Variants in CEP112 observed in about 807,000 individuals in gnomAD.
The protein encoded by CEP112 is centrosomal protein 112.
Under a neutral mutation model 153.0 loss-of-function variants are expected in CEP112, and 127 were observed. The observed-to-expected ratio is 0.83, with a 90% CI of 0.72 to 0.96. The LOEUF (loss-of-function observed/expected upper bound fraction) is 0.96, where lower values mean the gene tolerates loss of function less well. CEP112 is among the 40% of genes least tolerant of loss of function. The pLI is 0.00. For synonymous variants in CEP112, 358 were observed against 374.4 expected (o/e 0.96, Z 0.51); for missense variants, 1,089 against 1,101.2 (o/e 0.99, Z 0.16).
intron 24 of CEP112, among the ~76,000 whole-genome samples, chr17:65,686,558 C>T (rs1306551214): frequency 1.3e-5 from 2 of 152,218 alleles, no homozygotes. Flanking sequence ...CTTTAAGAAG[C>T]TTGTCTCTTC....
intron 23 of CEP112, among the ~76,000 whole-genome samples, chr17:65,715,599 C>T (rs1425319560): frequency 6.6e-6 from 1 of 151,980 alleles, no homozygotes; most frequent in South Asian, 2.1e-4. Context: ...TACAGGCTCC[C>T]GCCACCACGC....
At chr17:65,823,243 A>T (rs62065083) in intron 21 of CEP112, among the ~76,000 whole-genome samples, 2,003 of 152,248 alleles carry the variant, frequency 0.013, 19 homozygotes, top group African/African-American at 0.023. Context: ...CTTGAAAAAG[A>T]TCAGTGTTGG....
At chr17:65,692,464 T>G (rs1230932286) in intron 23 of CEP112, among the ~76,000 whole-genome samples, 2 of 152,114 alleles carry the variant, frequency 1.3e-5, no homozygotes, top group Non-Finnish European at 2.9e-5. Context: ...CCTGTCCTTG[T>G]GATCCACCCA....
At chr17:65,661,892 T>A (rs1319776179) in intron 24 of CEP112, 1 of 151,954 alleles carries the variant, frequency 6.6e-6, no homozygotes, top group African/African-American at 2.4e-5. Flanking sequence ...GACATCTATA[T>A]TTTTTTTACA....
chr17:65,878,273 G>A lies in CEP112; in HGVS notation c.2163+23879C>T, dbSNP rs577900897. On this transcript the variant is annotated intron_variant, in intron 20 of 26. Transcript: ENST00000535342. Reference sequence around the variant, plus strand: ...GGATGTGTCAATTAGCTTGATTGTGGTGATTATTCCACAATGTATATGTAT... The same window carrying A: ...GGATGTGTCAATTAGCTTGATTGTGATGATTATTCCACAATGTATATGTAT... 2.0e-5 allele frequency among the ~76,000 whole-genome samples: 3 copies of A among 152,250 alleles called. No homozygotes were observed. The South Asian group carries it at 6.2e-4, about 32-fold the overall frequency.
At chr17:66,115,262 T>C (rs2146407021) in intron 6 of CEP112, among the ~76,000 whole-genome samples, 1 of 152,342 alleles carries the variant, frequency 6.6e-6, no homozygotes, top group South Asian at 2.1e-4. Context: ...TAATGGGCTC[T>C]AGCACACAGT....
intron 21 of CEP112, among the ~76,000 whole-genome samples, chr17:65,764,506 C>G (rs1169438155): frequency 6.6e-6 from 1 of 151,952 alleles, no homozygotes; most frequent in African/African-American, 2.4e-5. Context: ...TGAATGTCCT[C>G]TTTATCATTA....
intron 4 of CEP112, among the ~76,000 whole-genome samples, chr17:66,138,828 CTTA>C (rs1304757878): frequency 2.0e-5 from 3 of 152,004 alleles, no homozygotes; most frequent in Non-Finnish European, 4.4e-5. Context: ...AACAAAATGA[CTTA>C]TTAAGTCCAC....
At chr17:66,141,054 T>C (rs1204718017) in intron 4 of CEP112, among the ~76,000 whole-genome samples, 1 of 152,138 alleles carries the variant, frequency 6.6e-6, no homozygotes, top group East Asian at 1.9e-4. Flanking sequence ...GGAATTCATA[T>C]TATCTCTGTA....
chr17:65,924,320 G>A (rs1568235743), intron 19 of CEP112, among the ~76,000 whole-genome samples: 1 of 151,968 alleles, frequency 6.6e-6, no homozygotes, highest in Non-Finnish European at 1.5e-5. Flanking sequence ...ACTTTTTTCA[G>A]TATTACAAAT....
At chr17:65,786,478 T>C (rs1001992938) in intron 21 of CEP112, among the ~76,000 whole-genome samples, 5 of 152,118 alleles carry the variant, frequency 3.3e-5, no homozygotes, top group Non-Finnish European at 7.4e-5. Flanking sequence ...ATTTTTCATT[T>C]CCTTGGTTAC....
intron 16 of CEP112, among the ~76,000 whole-genome samples, chr17:66,023,533 C>G (rs1485914235): frequency 3.9e-5 from 6 of 152,074 alleles, no homozygotes; most frequent in Non-Finnish European, 8.8e-5. Context: ...GGGAATTTGT[C>G]ACTATTAGGC....
chr17:66,175,235 A>G lies in CEP112; in HGVS notation c.298-19T>C. The G allele has an allele frequency of 6.6e-7, 1 of 1,505,662 alleles. No homozygotes were observed. The highest frequency in any genetic ancestry group is 8.9e-7 in the Non-Finnish European group (1 of 1,127,226). The allele number at this position is 1,505,662 out of a possible 1,614,324, so 93.3% of individuals were successfully genotyped here. ...AGATGGACTGATTTTTTAAAATTAG[A>G]AAAATTATTCTTTCAAAATGTACTA... On this transcript the variant is annotated intron_variant, in intron 3 of 26. Coordinates refer to ENST00000535342, the MANE Select transcript of CEP112 (RefSeq NM_001199165.4).
chr17:65,658,662 A>T (rs2046185311), intron 24 of CEP112, among the ~76,000 whole-genome samples: 1 of 152,098 alleles, frequency 6.6e-6, no homozygotes, highest in Non-Finnish European at 1.5e-5. Flanking sequence ...GAGGCCCAAG[A>T]ATCACAGGCC....
chr17:66,090,515 G>A (rs1316489376), intron 8 of CEP112, among the ~76,000 whole-genome samples: 1 of 151,888 alleles, frequency 6.6e-6, no homozygotes, highest in African/African-American at 2.4e-5. Flanking sequence ...TGTAAGCCTC[G>A]TAGTAATCAC....
At chr17:65,827,315 T>C (rs2056881229) in intron 21 of CEP112, among the ~76,000 whole-genome samples, 2 of 152,204 alleles carry the variant, frequency 1.3e-5, no homozygotes, top group African/African-American at 4.8e-5. Context: ...ACATCTATCC[T>C]ATTAGTTCTG....
At chr17:66,065,937 A>G (rs553048002) in intron 10 of CEP112, among the ~76,000 whole-genome samples, 93 of 152,144 alleles carry the variant, frequency 6.1e-4, no homozygotes, top group Non-Finnish European at 8.8e-5. Flanking sequence ...CCTAAAATCT[A>G]TCTCTTAATG....
At chr17:65,678,750 C>T (rs1340530212) in intron 24 of CEP112, among the ~76,000 whole-genome samples, 1 of 152,206 alleles carries the variant, frequency 6.6e-6, no homozygotes, top group Non-Finnish European at 1.5e-5. Context: ...TGCAGTGATG[C>T]AGTCGGTGCT....
intron 2 of CEP112, among the ~76,000 whole-genome samples, chr17:66,179,559 ATTTG>A (rs1259534726): frequency 1.3e-5 from 2 of 152,038 alleles, no homozygotes; most frequent in Non-Finnish European, 2.9e-5. Context: ...TCTTTACTGA[ATTTG>A]TTTATCTGTT....
Sources: allele counts gnomAD v4.1 joint callset (sites outside exome capture counted in the v4.1 genomes callset), GRCh38; gene constraint gnomAD v4.1.1; transcripts MANE v1.5; gene names NCBI Gene and HGNC (gene_info 2026-07-23, HGNC 2026-07-21).